Variants in SLX4IP observed in about 807,000 individuals in gnomAD.
SLX4IP encodes SLX4 interacting protein.
In SLX4IP, 34 loss-of-function variants were observed where a neutral mutation model predicts 32.9. The ratio of observed to expected loss-of-function variants is 1.03; its 90% CI spans 0.79 to 1.38. The LOEUF (loss-of-function observed/expected upper bound fraction) is 1.38. Ranked by LOEUF, SLX4IP falls within the 40% of genes most tolerant of loss-of-function variation. SLX4IP has a pLI of 0.00. For synonymous variants in SLX4IP, 172 were observed against 171.7 expected (o/e 1.00, Z -0.01); for missense variants, 444 against 479.0 (o/e 0.93, Z 0.68).
chr20:10,477,636 T>C (rs534228091), intron 2 of SLX4IP, among the ~76,000 whole-genome samples: 32 of 152,286 alleles, frequency 2.1e-4, no homozygotes, highest in African/African-American at 7.0e-4. Context: ...TCTAGGATCT[T>C]GGTTCCTTCT....
intron 7 of SLX4IP, among the ~76,000 whole-genome samples, chr20:10,621,728 G>T (rs2067114408): frequency 1.3e-5 from 2 of 152,244 alleles, no homozygotes; most frequent in South Asian, 4.1e-4. Flanking sequence ...CCTTTCCTAG[G>T]ATCCTTGTTC....
At chr20:10,438,671 G>A (rs1320886842) in intron 1 of SLX4IP, among the ~76,000 whole-genome samples, 1 of 151,456 alleles carries the variant, frequency 6.6e-6, no homozygotes, top group Non-Finnish European at 1.5e-5. Flanking sequence ...TAGTAGAGAT[G>A]GAGTTTCACC....
At chr20:10,525,381 A>G (rs1296693828) in intron 2 of SLX4IP, among the ~76,000 whole-genome samples, 2 of 151,996 alleles carry the variant, frequency 1.3e-5, no homozygotes, top group African/African-American at 4.8e-5. Flanking sequence ...TAGCACTCAT[A>G]CCTCTTGCTT....
intron 2 of SLX4IP, among the ~76,000 whole-genome samples, chr20:10,469,153 G>A (rs1011359043): frequency 6.6e-6 from 1 of 152,164 alleles, no homozygotes; most frequent in Non-Finnish European, 1.5e-5. Context: ...CATTTCTGAA[G>A]TGCCCAGTAC....
intron 2 of SLX4IP, among the ~76,000 whole-genome samples, chr20:10,462,886 T>G (rs2065349957): frequency 6.6e-6 from 1 of 152,180 alleles, no homozygotes; most frequent in Non-Finnish European, 1.5e-5. Flanking sequence ...ATAACAAATT[T>G]ATTATGTGCA....
Position 10,455,541 on chromosome 20 carries a change from C to A in SLX4IP, c.-29-2635C>A, listed in dbSNP as rs963009243. Among the ~76,000 whole-genome samples the A allele has an allele frequency of 5.9e-5, 9 of 151,848 alleles. 1 individual carries two copies. Among genetic ancestry groups the A allele is most frequent in the African/African-American group, 2.2e-4 (9 of 41,346 alleles). On this transcript the variant is annotated intron_variant, in intron 1 of 7. Coordinates refer to ENST00000334534, the MANE Select transcript of SLX4IP (RefSeq NM_001009608.3). The stretch of plus-strand genomic sequence containing the variant: ...ATCAATTGAACATAAATTTAAGGAT[C>A]TATTTCTATCAATTTTATTCCAATT...
chr20:10,554,829 A>T (rs1319135986), intron 2 of SLX4IP, among the ~76,000 whole-genome samples: 2 of 152,094 alleles, frequency 1.3e-5, no homozygotes, highest in Non-Finnish European at 2.9e-5. Context: ...TATTTTGGGT[A>T]CCAGTCCTTT....
At chr20:10,499,424 T>C (rs2122410831) in intron 2 of SLX4IP, among the ~76,000 whole-genome samples, 1 of 152,328 alleles carries the variant, frequency 6.6e-6, no homozygotes, top group South Asian at 2.1e-4. Context: ...TATTCAATTC[T>C]AGACAATTCA....
chr20:10,531,486 C>T (rs1343847398), intron 2 of SLX4IP, among the ~76,000 whole-genome samples: 1 of 152,084 alleles, frequency 6.6e-6, no homozygotes, highest in Non-Finnish European at 1.5e-5. Flanking sequence ...AAAAATTGTA[C>T]CTGTTCAATA....
chr20:10,518,027 G>A (rs886868170), intron 2 of SLX4IP, among the ~76,000 whole-genome samples: 1 of 152,120 alleles, frequency 6.6e-6, no homozygotes, highest in Non-Finnish European at 1.5e-5. Flanking sequence ...AGGGGCAGGG[G>A]GAGGGAGAGC....
intron 2 of SLX4IP, among the ~76,000 whole-genome samples, chr20:10,501,858 A>G (rs912214498): frequency 1.3e-5 from 2 of 152,240 alleles, no homozygotes; most frequent in Non-Finnish European, 2.9e-5. Flanking sequence ...GTATTTTGTT[A>G]TAAGACTTTT....
rs201642238 is a variant in SLX4IP, at chr20:10,609,399, GCT to G, written c.405+7583_405+7584del. On this transcript the variant is annotated intron_variant, in intron 6 of 7. Coordinates refer to ENST00000334534, the MANE Select transcript of SLX4IP (RefSeq NM_001009608.3). ...TTCACAAAAGCTGTTACTATCATGAGCTCTGAGTCTTGGAAAGAGGAGGCCTT... is the reference window on the plus strand; with the variant it reads ...TTCACAAAAGCTGTTACTATCATGAGCTGAGTCTTGGAAAGAGGAGGCCTT... 8.7e-3 allele frequency among the ~76,000 whole-genome samples: 1,321 copies of G among 152,334 alleles called. 14 individuals are homozygous for G. The highest frequency in any genetic ancestry group is 0.024 in the Middle Eastern group (7 of 294).
At chr20:10,452,054 C>G (rs2065246191) in intron 1 of SLX4IP, among the ~76,000 whole-genome samples, 1 of 152,182 alleles carries the variant, frequency 6.6e-6, no homozygotes, top group Admixed American at 6.5e-5. Flanking sequence ...TACTAGAAAA[C>G]TTAAAATTAC....
chr20:10,515,237 A>C (rs1037214415), intron 2 of SLX4IP, among the ~76,000 whole-genome samples: 2 of 151,960 alleles, frequency 1.3e-5, no homozygotes. Flanking sequence ...GGCAGCTGCC[A>C]CCATGCCCAG....
chr20:10,518,055 A>G (rs541838244), intron 2 of SLX4IP, among the ~76,000 whole-genome samples: 9 of 152,248 alleles, frequency 5.9e-5, no homozygotes. Flanking sequence ...AGAATAGCTA[A>G]TGGAGGCTGG....
At chr20:10,521,015 C>T (rs1243387247) in intron 2 of SLX4IP, among the ~76,000 whole-genome samples, 2 of 152,156 alleles carry the variant, frequency 1.3e-5, no homozygotes, top group Admixed American at 6.5e-5. Flanking sequence ...AATTTTGACA[C>T]ATTTTTATAG....
chr20:10,570,591 C>T (rs775924880), intron 4 of SLX4IP, among the ~76,000 whole-genome samples: 4 of 151,508 alleles, frequency 2.6e-5, no homozygotes, highest in South Asian at 2.1e-4. Context: ...TGCAGTGGTA[C>T]GATCTCAGCT....
chr20:10,601,561 AC>A (rs1370920375), intron 5 of SLX4IP, among the ~76,000 whole-genome samples, 169 bp from the exon 6 acceptor site: 1 of 152,188 alleles, frequency 6.6e-6, no homozygotes, highest in Non-Finnish European at 1.5e-5. Context: ...CTTTGCGCTC[AC>A]CCTGCCCTAT....
chr20:10,574,047 T>C (rs954218303), intron 4 of SLX4IP, among the ~76,000 whole-genome samples: 1 of 152,232 alleles, frequency 6.6e-6, no homozygotes, highest in Non-Finnish European at 1.5e-5. Flanking sequence ...CAACACAAAA[T>C]GCTTTGCTTT....
Sources: gnomAD v4.1 joint callset for allele counts (sites outside exome capture counted in the v4.1 genomes callset) on GRCh38, gnomAD v4.1.1 for gene constraint, MANE v1.5 for transcripts, NCBI Gene and HGNC (gene_info 2026-07-23, HGNC 2026-07-21) for gene names.